Variants in MRC1 observed in about 807,000 individuals in gnomAD.
MRC1 encodes the protein macrophage mannose receptor 1.
In MRC1, 62 loss-of-function variants were observed where a neutral mutation model predicts 102.9. The observed-to-expected ratio is 0.60, with a 90% CI of 0.49 to 0.74. The LOEUF is 0.74. Ranked by LOEUF, MRC1 falls within the 30% of genes least tolerant of loss-of-function variation. The pLI, the probability that MRC1 is intolerant of heterozygous loss-of-function variation, is 0.00. For synonymous variants in MRC1, 457 were observed against 298.4 expected (o/e 1.53, Z -5.48); for missense variants, 1,237 against 862.8 (o/e 1.43, Z -5.43).
chr10:17,896,074 A>G (rs964099455), intron 23 of MRC1, among the ~76,000 whole-genome samples: 1 of 152,202 alleles, frequency 6.6e-6, no homozygotes, highest in Admixed American at 6.5e-5. Context: ...CTCCTACCTC[A>G]TAGCTACACA....
intron 9 of MRC1, among the ~76,000 whole-genome samples, chr10:17,858,459 A>T (rs1279419775): frequency 2.0e-5 from 3 of 152,114 alleles, no homozygotes; most frequent in African/African-American, 7.2e-5. Context: ...TAGATCTGGA[A>T]TTATTTTATT....
intron 6 of MRC1, among the ~76,000 whole-genome samples, chr10:17,846,343 T>C (rs937194343): frequency 1.9e-5 from 1 of 52,328 alleles, no homozygotes; most frequent in Non-Finnish European, 3.9e-5. Flanking sequence ...AAACTACATA[T>C]TTTTTATTAT....
In MRC1 at chr10:17,899,118, AAG is replaced by A. The variant is rs1491517879; in HGVS notation, c.3483+853_3483+854del. The stretch of plus-strand genomic sequence containing the variant: ...GGAATATCAAGAAGACAAAAAAAAA[AAG>A]GAGATAAACTGGAGAGTAGATGAGT... On this transcript the variant is annotated intron_variant, in intron 24 of 29. Coordinates refer to ENST00000569591, the MANE Select transcript of MRC1 (RefSeq NM_002438.4). 2.0e-5 allele frequency among the ~76,000 whole-genome samples: 3 copies of A among 151,906 alleles called. No individual in the cohort carries two copies. In the South Asian group the frequency reaches 6.2e-4, roughly 32 times the overall value.
At chr10:17,898,551 T>C (rs1833786225) in intron 24 of MRC1, among the ~76,000 whole-genome samples, 1 of 152,222 alleles carries the variant, frequency 6.6e-6, no homozygotes, top group Non-Finnish European at 1.5e-5. Context: ...CTCAACAGTT[T>C]AATTTATTCG....
chr10:17,831,932 A>T (rs941792390), intron 3 of MRC1, among the ~76,000 whole-genome samples: 1 of 151,740 alleles, frequency 6.6e-6, no homozygotes, highest in African/African-American at 2.4e-5. Context: ...CAAAGGAAGA[A>T]ATCAGCTTGT....
chr10:17,823,004 C>G (rs1347312091), intron 1 of MRC1, 70 bp from the exon 2 acceptor site: 1 of 766,446 alleles, frequency 1.3e-6, no homozygotes, highest in African/African-American at 1.7e-5. Flanking sequence ...AAAAGATCGT[C>G]CTTGTTACAT....
intron 28 of MRC1, among the ~76,000 whole-genome samples, 195 bp from the exon 29 acceptor site, chr10:17,909,111 G>A (rs1442816430): frequency 2.0e-5 from 3 of 152,068 alleles, no homozygotes; most frequent in Admixed American, 2.0e-4. Flanking sequence ...ATAGATGATA[G>A]GTAGGTAGAT....
At chr10:17,844,687 G>A (rs1838799797) in intron 5 of MRC1, among the ~76,000 whole-genome samples, 3 of 152,000 alleles carry the variant, frequency 2.0e-5, no homozygotes, top group South Asian at 4.1e-4. Flanking sequence ...CAGGCAGTGA[G>A]CATAGAACCC....
chr10:17,856,802 T>G (rs953996291), intron 9 of MRC1, among the ~76,000 whole-genome samples: 4 of 152,236 alleles, frequency 2.6e-5, no homozygotes, highest in African/African-American at 9.6e-5. Context: ...TTTTTTCCCA[T>G]TTATAATCTT....
intron 11 of MRC1, among the ~76,000 whole-genome samples, chr10:17,864,855 G>A (rs1589184144): frequency 1.4e-5 from 2 of 147,222 alleles, no homozygotes; most frequent in African/African-American, 5.2e-5. Context: ...AAAAAGCAGT[G>A]GAAACTGAGA....
intron 24 of MRC1, among the ~76,000 whole-genome samples, chr10:17,899,299 G>T (rs1478314817): frequency 6.6e-6 from 1 of 152,134 alleles, no homozygotes; most frequent in East Asian, 1.9e-4. Flanking sequence ...TTTTTACGTC[G>T]CTGTTGACTA....
rs1182638001 is a variant in MRC1, at chr10:17,872,121, A to G, written c.2339A>G (p.Gln780Arg). Residue 780 changes from glutamine to arginine, a missense_variant, in exon 15 of 30, where the codon CAA becomes CGA. By Grantham distance (43) the Gln-to-Arg change is conservative (BLOSUM62 1). Transcript: ENST00000569591. ...CTTAACAACTGGATTTGCCAGATAC[A>G]AAAAGGTATGATCACCTCTTCTCTC... The part of the protein sequence containing the change: ...EHLNNWICQI[Q>R]KGQTPKPEPT... 8 of 780,514 alleles carry G rather than the reference A, an allele frequency of 1.0e-5. No individual in the cohort carries two copies. The highest frequency in any genetic ancestry group is 2.4e-5 in the East Asian group (1 of 41,246). The allele number at this position is 780,514 out of a possible 1,614,324, so 48.3% of individuals were successfully genotyped here.
intron 1 of MRC1, among the ~76,000 whole-genome samples, chr10:17,818,759 ACTGTACTCCAGC>A (rs1481895743): frequency 3.3e-5 from 5 of 152,326 alleles, no homozygotes; most frequent in Middle Eastern, 6.8e-3. Flanking sequence ...AGATGGCGCC[ACTGTACTCCAGC>A]CTGGGTGAAA....
At chr10:17,842,817 A>C (rs1448617794) in intron 5 of MRC1, among the ~76,000 whole-genome samples, 5 of 152,308 alleles carry the variant, frequency 3.3e-5, no homozygotes, top group Non-Finnish European at 7.4e-5. Flanking sequence ...GGGTGGAGTA[A>C]AGAATGAAAG....
At chr10:17,879,517 C>T (rs1382631033) in intron 18 of MRC1, among the ~76,000 whole-genome samples, 1 of 152,152 alleles carries the variant, frequency 6.6e-6, no homozygotes, top group Admixed American at 6.6e-5. Context: ...CCATGCCTGG[C>T]TAATTTTTTT....
chr10:17,910,254 A>G lies in MRC1; in HGVS notation c.4160A>G (p.Asn1387Ser). 7 of 780,882 alleles carry G rather than the reference A, an allele frequency of 9.0e-6. No individual in the cohort carries two copies. The highest frequency in any genetic ancestry group is 4.0e-5 in the South Asian group (3 of 74,622). The allele number at this position is 780,882 out of a possible 1,614,324, so 48.4% of individuals were successfully genotyped here. Reference protein sequence around the residue: ...RKMDPSKPSSNVAGVVIIVIL... With the variant: ...RKMDPSKPSSSVAGVVIIVIL... ...ATGGACCCTTCTAAACCGTCTTCCA[A>G]CGTGGCCGGAGTAGTCATCATTGTG... is the stretch of plus-strand genomic sequence containing the variant. The change falls in exon 30 of 30, where the codon AAC (asparagine) becomes AGC (serine). Residue 1387 changes from asparagine (N) to serine (S), a missense_variant. Transcript: ENST00000569591.
intron 3 of MRC1, among the ~76,000 whole-genome samples, chr10:17,830,613 T>C (rs2985835): frequency 0.35 from 53,076 of 150,888 alleles, 10,102 homozygotes; most frequent in African/African-American, 0.43. Flanking sequence ...TAAAGGAAAA[T>C]TCTTGGTTCT....
In MRC1 at chr10:17,885,285, C is replaced by T. The variant is rs1231425679; in HGVS notation, c.2997C>T (p.His999=). ...NEKEQAFLTY[H]MKDSTFSAWT... ...TTCTTTCAGCATTTCTTACCTATCA[C>T]ATGAAGGACTCCACTTTCAGTGCCT... The change falls in exon 22 of 30, where the codon CAC becomes CAT. Residue 999 remains histidine, a synonymous_variant. Transcript: ENST00000569591. The T allele has an allele frequency of 1.3e-5, 10 of 780,726 alleles. No individual in the cohort carries two copies. The highest frequency in any genetic ancestry group is 1.9e-5 in the Non-Finnish European group (8 of 417,956). 48.4% of individuals were successfully genotyped at this position (780,726 alleles called of 1,614,324 possible).
At chr10:17,831,921 G>A (rs1452697684) in intron 3 of MRC1, among the ~76,000 whole-genome samples, 1 of 151,620 alleles carries the variant, frequency 6.6e-6, no homozygotes, top group Non-Finnish European at 1.5e-5. Context: ...TCATAAAATA[G>A]CAAAGGAAGA....
Sources: gnomAD v4.1 joint callset for allele counts (sites outside exome capture counted in the v4.1 genomes callset) on GRCh38, gnomAD v4.1.1 for gene constraint, MANE v1.5 for transcripts, NCBI Gene and HGNC (gene_info 2026-07-23, HGNC 2026-07-21) for gene names.